Variants in HMGCLL1 observed in about 807,000 individuals in gnomAD.
The protein encoded by HMGCLL1 is 3-hydroxymethyl-3-methylglutaryl-CoA lyase, cytoplasmic.
HMGCLL1 carries 36 observed loss-of-function variants against 39.1 expected under a neutral mutation model. The ratio of observed to expected loss-of-function variants is 0.92; its 90% CI spans 0.71 to 1.22. The LOEUF is 1.22. Ranked by LOEUF, HMGCLL1 falls within the 50% of genes most tolerant of loss-of-function variation. HMGCLL1 has a pLI of 0.00. For missense variants in HMGCLL1, 451 were observed against 416.5 expected, an observed-to-expected ratio of 1.08 and a Z score of -0.72; for synonymous variants, 149 against 144.0, an observed-to-expected ratio of 1.03 and a Z score of -0.25.
chr6:55,624,070 G>T, the HMGCLL1 span, among the ~76,000 whole-genome samples: 1 of 152,084 alleles, frequency 6.6e-6, no homozygotes, highest in Non-Finnish European at 1.5e-5. Context: ...CGAAATGTCT[G>T]ATCATTTCCT....
In HMGCLL1 at chr6:55,506,176, G is replaced by A. The variant is rs549418742; in HGVS notation, c.543-6877C>T. Among the ~76,000 whole-genome samples the A allele has an allele frequency of 6.6e-5, 10 of 151,798 alleles. No homozygotes were observed. In the South Asian group the frequency reaches 8.3e-4, roughly 13 times the overall value. On this transcript the variant is annotated intron_variant, in intron 5 of 8. Coordinates refer to ENST00000274901, the MANE Select transcript of HMGCLL1 (RefSeq NM_001042406.2). ...CCACACTAACTACAAGCTCAGACCC[G>A]GGAAGCCAGACATAGAGACTGGTTC... is the stretch of plus-strand genomic sequence containing the variant.
intron 7 of HMGCLL1, among the ~76,000 whole-genome samples, chr6:55,443,808 CAAATAT>C (rs1763706499): frequency 1.3e-5 from 2 of 152,090 alleles, no homozygotes; most frequent in African/African-American, 4.8e-5. Flanking sequence ...ATATAGAGCT[CAAATAT>C]ATAAAACACT....
At chr6:55,656,373 T>C in the HMGCLL1 span, among the ~76,000 whole-genome samples, 1 of 151,992 alleles carries the variant, frequency 6.6e-6, no homozygotes, top group African/African-American at 2.4e-5. Context: ...CATCAATATC[T>C]ATCTTTTTAT....
In HMGCLL1 at chr6:55,439,511, G is replaced by T. The variant is rs1248769104; in HGVS notation, c.844C>A (p.Pro282Thr). The T allele has an allele frequency of 6.2e-7, 1 of 1,612,712 alleles. No homozygotes were observed. Among genetic ancestry groups the T allele is most frequent in the Admixed American group, 1.7e-5 (1 of 59,876 alleles). Reference protein sequence around the residue: ...DSAVSGLGGCPYAKGASGNVA... With the variant: ...DSAVSGLGGCTYAKGASGNVA... ...TTCCCAGAAGCACCTTTTGCATAAG[G>T]GCAGCCACCTAATCCGGATACTGCG... Residue 282 changes from proline to threonine, a missense_variant, in exon 8 of 9, where the codon CCT (proline) becomes ACT (threonine). Pro to Thr is a conservative substitution (Grantham distance 38). Transcript: ENST00000274901.
the HMGCLL1 span, among the ~76,000 whole-genome samples, chr6:55,613,695 C>T: frequency 2.0e-5 from 3 of 152,202 alleles, no homozygotes; most frequent in Admixed American, 1.3e-4. Context: ...CCAAACACTG[C>T]ATTTTCTCAC....
chr6:55,471,292 G>C (rs1765034676), intron 7 of HMGCLL1, among the ~76,000 whole-genome samples: 1 of 150,970 alleles, frequency 6.6e-6, no homozygotes, highest in Non-Finnish European at 1.5e-5. Flanking sequence ...ATTTTCATTT[G>C]TGTGAATATG....
chr6:55,552,111 GCAGGGATC>G (rs1770361761), intron 1 of HMGCLL1, among the ~76,000 whole-genome samples: 2 of 151,856 alleles, frequency 1.3e-5, no homozygotes, highest in South Asian at 4.2e-4. Context: ...TTAAAAAAAT[GCAGGGATC>G]CAAAAACAAA....
the HMGCLL1 span, among the ~76,000 whole-genome samples, chr6:55,657,266 A>G: frequency 1.3e-5 from 2 of 151,752 alleles, no homozygotes; most frequent in Non-Finnish European, 2.9e-5. Flanking sequence ...TCATGATGAA[A>G]ACTTTGCCCA....
the HMGCLL1 span, among the ~76,000 whole-genome samples, chr6:55,654,135 T>G: frequency 1.3e-5 from 2 of 151,908 alleles, no homozygotes; most frequent in Non-Finnish European, 2.9e-5. Context: ...AATCCTACCT[T>G]TCAGCGAAAG....
At chr6:55,478,298 A>G (rs908150209) in intron 7 of HMGCLL1, among the ~76,000 whole-genome samples, 3 of 151,356 alleles carry the variant, frequency 2.0e-5, no homozygotes, top group Admixed American at 2.0e-4. Context: ...TGGCTCATGA[A>G]GGAATTCAAA....
At chr6:55,533,668 C>T (rs1299299911) in intron 3 of HMGCLL1, among the ~76,000 whole-genome samples, 1 of 151,506 alleles carries the variant, frequency 6.6e-6, no homozygotes, top group Non-Finnish European at 1.5e-5. Context: ...GGGCGGATCA[C>T]GAGGTCAGGA....
chr6:55,610,432 T>C, the HMGCLL1 span, among the ~76,000 whole-genome samples: 16 of 151,594 alleles, frequency 1.1e-4, no homozygotes, highest in Non-Finnish European at 2.2e-4. Flanking sequence ...AGAAAGAATA[T>C]CAGAGCTTGA....
the HMGCLL1 span, among the ~76,000 whole-genome samples, chr6:55,643,528 T>A: frequency 6.6e-6 from 1 of 152,030 alleles, no homozygotes; most frequent in Non-Finnish European, 1.5e-5. Context: ...GTCCCCTTGT[T>A]GTGCTATCAA....
At chr6:55,441,772 C>A (rs1763607546) in intron 7 of HMGCLL1, among the ~76,000 whole-genome samples, 1 of 152,000 alleles carries the variant, frequency 6.6e-6, no homozygotes, top group Non-Finnish European at 1.5e-5. Flanking sequence ...CCCACTGCAA[C>A]CTCTGCTTCC....
At chr6:55,598,199 A>G in the HMGCLL1 span, among the ~76,000 whole-genome samples, 9 of 152,178 alleles carry the variant, frequency 5.9e-5, no homozygotes, top group East Asian at 1.7e-3. Context: ...ACTGTTGCCA[A>G]ATGTCTTGTA....
chr6:55,533,311 G>A (rs1194078855), intron 3 of HMGCLL1, among the ~76,000 whole-genome samples: 2 of 150,836 alleles, frequency 1.3e-5, no homozygotes, highest in Non-Finnish European at 3.0e-5. Context: ...TATTATTTTA[G>A]TATCCAAAAT....
chr6:55,525,332 G>A (rs2127444731), intron 3 of HMGCLL1, among the ~76,000 whole-genome samples: 1 of 152,076 alleles, frequency 6.6e-6, no homozygotes, highest in African/African-American at 2.4e-5. Context: ...GATTTTTAAA[G>A]TCCTATGGTA....
upstream of HMGCLL1, among the ~76,000 whole-genome samples, chr6:55,580,158 A>G (rs1771949299): frequency 1.3e-5 from 2 of 152,066 alleles, no homozygotes; most frequent in Middle Eastern, 3.4e-3. Flanking sequence ...AACACACAGA[A>G]GAAATTTACC....
chr6:55,442,019 G>C (rs1454356413), intron 7 of HMGCLL1, among the ~76,000 whole-genome samples: 1 of 152,028 alleles, frequency 6.6e-6, no homozygotes, highest in Non-Finnish European at 1.5e-5. Flanking sequence ...CTCCTGTTAA[G>C]ACTGGAGTTA....
Sources: gnomAD v4.1 joint callset for allele counts (sites outside exome capture counted in the v4.1 genomes callset) on GRCh38, gnomAD v4.1.1 for gene constraint, MANE v1.5 for transcripts, NCBI Gene and HGNC (gene_info 2026-07-23, HGNC 2026-07-21) for gene names.